The following LRMDA variants were observed in gnomAD, a reference collection of about 807,000 sequenced individuals.
LRMDA encodes the protein leucine rich melanocyte differentiation associated.
LRMDA carries 18 observed loss-of-function variants against 29.8 expected under a neutral mutation model. The observed-to-expected ratio is 0.60, with a 90% CI of 0.42 to 0.90. LRMDA has a LOEUF of 0.90. LRMDA is among the 40% of genes least tolerant of loss of function. LRMDA has a pLI of 0.00. For synonymous variants in LRMDA, 125 were observed against 109.4 expected (o/e 1.14, Z -0.89); for missense variants, 273 against 273.9 (o/e 1.00, Z 0.02).
intron 6 of LRMDA, among the ~76,000 whole-genome samples, chr10:76,330,296 A>G (rs1336740779): frequency 6.6e-6 from 1 of 152,160 alleles, no homozygotes; most frequent in African/African-American, 2.4e-5. Context: ...GAAAGGGAAA[A>G]CTAGTTTTAT....
chr10:76,347,850 T>A (rs902591465), intron 6 of LRMDA, among the ~76,000 whole-genome samples: 2 of 152,236 alleles, frequency 1.3e-5, no homozygotes, highest in East Asian at 1.9e-4. Context: ...GGTATCATCA[T>A]TGGTTTAACC....
intron 2 of LRMDA, among the ~76,000 whole-genome samples, chr10:75,778,442 A>T (rs1428764854): frequency 1.3e-5 from 2 of 152,060 alleles, no homozygotes; most frequent in Non-Finnish European, 2.9e-5. Flanking sequence ...GAGTATTCCT[A>T]GCTCACTGAT....
intron 2 of LRMDA, among the ~76,000 whole-genome samples, chr10:76,030,955 T>C (rs533238947): frequency 1.2e-3 from 188 of 152,332 alleles, no homozygotes; most frequent in African/African-American, 4.4e-3. Flanking sequence ...GAAGTTGATA[T>C]ACAGACATTT....
chr10:75,601,921 A>G (rs1370952286), intron 2 of LRMDA, among the ~76,000 whole-genome samples: 1 of 152,178 alleles, frequency 6.6e-6, no homozygotes, highest in African/African-American at 2.4e-5. Context: ...TTATGTAGTG[A>G]AAGTGATGTA....
chr10:75,650,133 G>T (rs897836407), intron 2 of LRMDA, among the ~76,000 whole-genome samples: 3 of 152,156 alleles, frequency 2.0e-5, no homozygotes, highest in Admixed American at 2.0e-4. Flanking sequence ...AGTCTAGTTT[G>T]TCTATTTTCT....
intron 2 of LRMDA, among the ~76,000 whole-genome samples, chr10:75,943,573 C>G (rs1437182624): frequency 6.6e-6 from 1 of 152,104 alleles, no homozygotes; most frequent in Non-Finnish European, 1.5e-5. Flanking sequence ...GTTATAGAAC[C>G]AAGAATGTGA....
At chr10:75,718,958 C>T (rs549822579) in intron 2 of LRMDA, among the ~76,000 whole-genome samples, 9 of 152,216 alleles carry the variant, frequency 5.9e-5, no homozygotes, top group Non-Finnish European at 1.0e-4. Flanking sequence ...TTGTTAATTT[C>T]GGTTATATGA....
At chr10:75,819,802 G>C (rs984764771) in intron 2 of LRMDA, among the ~76,000 whole-genome samples, 1 of 152,150 alleles carries the variant, frequency 6.6e-6, no homozygotes, top group African/African-American at 2.4e-5. Context: ...ATCTAGACCT[G>C]TACTGTCAAA....
At chr10:76,456,773 G>A (rs774675160) in intron 6 of LRMDA, among the ~76,000 whole-genome samples, 7 of 151,908 alleles carry the variant, frequency 4.6e-5, no homozygotes, top group African/African-American at 1.5e-4. Context: ...CTACCTTCCC[G>A]TTGTTAAGAG....
intron 6 of LRMDA, among the ~76,000 whole-genome samples, chr10:76,425,243 C>T (rs749025389): frequency 6.6e-6 from 1 of 152,180 alleles, no homozygotes; most frequent in Non-Finnish European, 1.5e-5. Context: ...CTGTTTGTGG[C>T]TTTATTACCA....
chr10:75,833,026 T>A (rs1175955318), intron 2 of LRMDA, among the ~76,000 whole-genome samples: 2 of 152,214 alleles, frequency 1.3e-5, no homozygotes, highest in Non-Finnish European at 2.9e-5. Flanking sequence ...TCACATATCA[T>A]AGGTTTTCTG....
At chr10:75,995,630 G>A (rs573631080) in intron 2 of LRMDA, among the ~76,000 whole-genome samples, 1 of 152,246 alleles carries the variant, frequency 6.6e-6, no homozygotes, top group Non-Finnish European at 1.5e-5. Flanking sequence ...TATATAGCTG[G>A]GATAAGAAGA....
At chr10:75,486,161 A>T (rs1371387805) in intron 2 of LRMDA, among the ~76,000 whole-genome samples, 1 of 152,184 alleles carries the variant, frequency 6.6e-6, no homozygotes, top group Non-Finnish European at 1.5e-5. Flanking sequence ...GAGTGTTTTC[A>T]AATTTCTGTG....
intron 2 of LRMDA, among the ~76,000 whole-genome samples, chr10:75,594,880 G>T (rs960278336): frequency 6.6e-6 from 1 of 152,020 alleles, no homozygotes; most frequent in Non-Finnish European, 1.5e-5. Context: ...TGAACTTTAG[G>T]TGAGACTCCC....
chr10:76,508,051 T>G (rs546807565), intron 6 of LRMDA, among the ~76,000 whole-genome samples: 1 of 152,154 alleles, frequency 6.6e-6, no homozygotes, highest in Non-Finnish European at 1.5e-5. Flanking sequence ...TTTTAGATGC[T>G]TCTTCATGAG....
At chr10:75,549,313 T>C (rs1840115054) in intron 2 of LRMDA, among the ~76,000 whole-genome samples, 2 of 152,298 alleles carry the variant, frequency 1.3e-5, no homozygotes, top group African/African-American at 4.8e-5. Context: ...TATTGGGATG[T>C]TTGATCTGGA....
intron 6 of LRMDA, among the ~76,000 whole-genome samples, chr10:76,358,716 C>T (rs918340698): frequency 6.6e-6 from 1 of 152,116 alleles, no homozygotes; most frequent in Admixed American, 6.5e-5. Flanking sequence ...CAACATATGC[C>T]AACAGATGCT....
Position 76,450,486 on chromosome 10 carries a change from A to C in LRMDA, c.602-106723A>C, listed in dbSNP as rs563155445. On this transcript the variant is annotated intron_variant, in intron 6 of 6. Transcript: ENST00000611255. ...ATTTTATTTAAAGCCTTATAAGCAT[A>C]TAAAACTTATAAAGTCTTTCTCTGG... is the stretch of plus-strand genomic sequence containing the variant. Among the ~76,000 whole-genome samples the C allele has an allele frequency of 2.0e-5, 3 of 152,284 alleles. No homozygotes were observed. The South Asian group carries it at 6.2e-4, about 32-fold the overall frequency.
In LRMDA at chr10:76,057,042, C is replaced by A. The variant is rs557787547; in HGVS notation, c.399-1624C>A. Among the ~76,000 whole-genome samples the A allele has an allele frequency of 2.2e-3, 331 of 152,226 alleles. 2 individuals carry two copies. Among genetic ancestry groups the A allele is most frequent in the African/African-American group, 7.4e-3 (307 of 41,540 alleles). On this transcript the variant is annotated intron_variant, in intron 4 of 6. Coordinates refer to ENST00000611255, the MANE Select transcript of LRMDA (RefSeq NM_001305581.2). ...AAGGTGGCCTTGGGAACCCAAGGCT[C>A]CAGTGAAGGCAAGCCACACTGTTCC...
Sources: allele counts gnomAD v4.1 joint callset (sites outside exome capture counted in the v4.1 genomes callset), GRCh38; gene constraint gnomAD v4.1.1; transcripts MANE v1.5; gene names NCBI Gene and HGNC (gene_info 2026-07-23, HGNC 2026-07-21).